Variants in KCNT1 observed in about 807,000 individuals in gnomAD.
The protein encoded by KCNT1 is potassium sodium-activated channel subfamily T member 1, also known as potassium channel subfamily T member 1.
In KCNT1, 78 loss-of-function variants were observed where a neutral mutation model predicts 147.8. The observed-to-expected ratio is 0.53, with a 90% CI of 0.44 to 0.64. KCNT1 has a LOEUF of 0.64. KCNT1 is among the 30% of genes least tolerant of loss of function. KCNT1 has a pLI of 0.00. For missense variants in KCNT1, 1,419 were observed against 1,750.3 expected (o/e 0.81, Z 3.38); for synonymous variants, 867 against 748.8 (o/e 1.16, Z -2.58).
intron 25 of KCNT1, 39 bp downstream of exon 25, chr9:135,784,164 T>G (rs1588399621): frequency 6.7e-7 from 1 of 1,497,154 alleles, no homozygotes; most frequent in Non-Finnish European, 9.2e-7. Flanking sequence ...GGCGCCTGGG[T>G]GGGACCCCCG....
intron 2 of KCNT1, among the ~76,000 whole-genome samples, chr9:135,723,728 C>A (rs1767041462): frequency 6.6e-6 from 1 of 152,192 alleles, no homozygotes; most frequent in Admixed American, 6.5e-5. Flanking sequence ...GTCCCAGGGA[C>A]CTTGTTACTG....
intron 13 of KCNT1, among the ~76,000 whole-genome samples, chr9:135,767,930 AG>A (rs1485251495): frequency 6.6e-6 from 1 of 151,894 alleles, no homozygotes; most frequent in Non-Finnish European, 1.5e-5. Context: ...TGGTGTCTCC[AG>A]GACACACCAT....
chr9:135,780,892 G>A (rs1199464155), intron 24 of KCNT1, among the ~76,000 whole-genome samples: 1 of 152,240 alleles, frequency 6.6e-6, no homozygotes, highest in Non-Finnish European at 1.5e-5. Flanking sequence ...ATGCTGCCGT[G>A]GAGTCGGGGT....
intron 3 of KCNT1, chr9:135,750,676 C>T: frequency 3.5e-6 from 2 of 563,838 alleles, no homozygotes; most frequent in Admixed American, 3.1e-5. Context: ...TCCTGTCCTC[C>T]AAGAAGTGGA....
intron 13 of KCNT1, among the ~76,000 whole-genome samples, chr9:135,766,311 G>A (rs1382804777): frequency 1.3e-5 from 2 of 150,140 alleles, no homozygotes; most frequent in East Asian, 4.0e-4. Flanking sequence ...ACCATCTGGG[G>A]TGGGCTGTCT....
At chr9:135,778,398 C>A in intron 21 of KCNT1, 26 bp from the exon 22 acceptor site, 2 of 1,547,172 alleles carry the variant, frequency 1.3e-6, no homozygotes, top group South Asian at 1.2e-5. Context: ...GCAGGGTGGG[C>A]CCCTCCAGGA....
intron 24 of KCNT1, among the ~76,000 whole-genome samples, chr9:135,781,072 CTCTT>C (rs773070280): frequency 1.4e-4 from 21 of 152,256 alleles, no homozygotes; most frequent in Non-Finnish European, 2.8e-4. Context: ...TGGGGCCCAT[CTCTT>C]TCCCCGGCTT....
chr9:135,730,186 A>G lies in KCNT1; in HGVS notation c.254+15466A>G, dbSNP rs1836372849. Among the ~76,000 whole-genome samples the G allele has an allele frequency of 6.6e-6, 1 of 152,104 alleles. No individual in the cohort carries two copies. Among genetic ancestry groups the G allele is most frequent in the African/African-American group, 2.4e-5 (1 of 41,422 alleles). Reference sequence around the variant, plus strand: ...GATTTTCACAGTAAGGCAGTGTTGAATTGCAGCCTCTAGTGGCGACAACAA... The same window carrying G: ...GATTTTCACAGTAAGGCAGTGTTGAGTTGCAGCCTCTAGTGGCGACAACAA... On this transcript the variant is annotated intron_variant, in intron 2 of 30. Coordinates refer to ENST00000371757, the MANE Select transcript of KCNT1 (RefSeq NM_020822.3). This position sits in a 1 kb window ranked among gnomAD's most constrained non-coding sequence, Gnocchi z 4.7.
At position 135,793,784 on chromosome 9, in the gene KCNT1, T is replaced by G. The variant is rs1834702725; in HGVS notation, c.*1623T>G. ...GGGGGACAGAGCCAGACATGGGTGG[T>G]CAGGGAGAGGCTGTGTGGATTCAGG... On this transcript the variant is annotated 3_prime_UTR_variant, in exon 31 of 31. Transcript: ENST00000371757. 6.6e-6 allele frequency: 1 copy of G among 152,400 alleles called. No homozygotes were observed. The highest frequency in any genetic ancestry group is 2.4e-5 in the African/African-American group (1 of 41,402). The allele number at this position is 152,400 out of a possible 1,614,324, so 9.4% of individuals were successfully genotyped here.
At chr9:135,775,966 C>T (rs1399675076) in intron 20 of KCNT1, among the ~76,000 whole-genome samples, 3 of 151,866 alleles carry the variant, frequency 2.0e-5, no homozygotes, top group Non-Finnish European at 4.4e-5. Flanking sequence ...TTTTGCAGAG[C>T]AGGGACCAGT....
intron 24 of KCNT1, among the ~76,000 whole-genome samples, chr9:135,780,251 C>T (rs986336739): frequency 1.3e-5 from 2 of 152,224 alleles, no homozygotes; most frequent in Non-Finnish European, 2.9e-5. Flanking sequence ...CCTTGGTCAG[C>T]AGCAATGCTG....
intron 2 of KCNT1, among the ~76,000 whole-genome samples, chr9:135,721,961 C>T (rs1588265298): frequency 6.6e-6 from 1 of 152,310 alleles, no homozygotes; most frequent in East Asian, 1.9e-4. Flanking sequence ...CTAGCCCTGT[C>T]CCTCCCTCCG....
chr9:135,720,992 G>T (rs900126451), intron 2 of KCNT1, among the ~76,000 whole-genome samples: 3 of 152,248 alleles, frequency 2.0e-5, no homozygotes, highest in African/African-American at 7.2e-5. Flanking sequence ...GGTGGGGCAC[G>T]AGGGACACAC....
intron 2 of KCNT1, among the ~76,000 whole-genome samples, chr9:135,721,153 G>A (rs1483186363): frequency 6.6e-6 from 1 of 152,162 alleles, no homozygotes; most frequent in Non-Finnish European, 1.5e-5. Flanking sequence ...AGAAGGGGCT[G>A]AAGTGGCCCC....
At chr9:135,722,865 G>A (rs548289901) in intron 2 of KCNT1, among the ~76,000 whole-genome samples, 7 of 152,332 alleles carry the variant, frequency 4.6e-5, no homozygotes, top group Admixed American at 2.6e-4. Context: ...TCCCATCAGC[G>A]GTGGGGGCTT....
rs1168948306 is a variant in KCNT1, at chr9:135,752,715, A to G, written c.435-1222A>G. On this transcript the variant is annotated intron_variant, in intron 4 of 30. Transcript: ENST00000371757. This position sits in a 1 kb window ranked among gnomAD's most constrained non-coding sequence, Gnocchi z 5.1. Reference sequence around the variant, plus strand: ...GGGTGGATAATGGATGGATAGGTGGATGCATGGTGGGTAGATGGATGGATG... The same window carrying G: ...GGGTGGATAATGGATGGATAGGTGGGTGCATGGTGGGTAGATGGATGGATG... Among the ~76,000 whole-genome samples the G allele has an allele frequency of 6.7e-6, 1 of 148,304 alleles. No homozygotes were observed. Among genetic ancestry groups the G allele is most frequent in the East Asian group, 2.0e-4 (1 of 4,978 alleles).
chr9:135,734,578 C>T (rs1440105204), intron 2 of KCNT1, among the ~76,000 whole-genome samples: 1 of 152,182 alleles, frequency 6.6e-6, no homozygotes, highest in Non-Finnish European at 1.5e-5. Flanking sequence ...CAACACGGCA[C>T]AGATGTTCTC....
intron 21 of KCNT1, among the ~76,000 whole-genome samples, chr9:135,777,973 C>CAG (rs1833301418): frequency 6.6e-6 from 1 of 151,408 alleles, no homozygotes. Context: ...TCCTCTGTCT[C>CAG]CCAGCTCCTC....
intron 2 of KCNT1, among the ~76,000 whole-genome samples, chr9:135,729,538 A>C (rs1836347231): frequency 6.6e-6 from 1 of 152,176 alleles, no homozygotes; most frequent in Non-Finnish European, 1.5e-5. Flanking sequence ...GCAGACTTCT[A>C]CCCTACAGAA....
Sources: allele counts gnomAD v4.1 joint callset (sites outside exome capture counted in the v4.1 genomes callset), GRCh38; gene constraint gnomAD v4.1.1; non-coding constraint Gnocchi (gnomAD v3.1); transcripts MANE v1.5; gene names NCBI Gene and HGNC (gene_info 2026-07-23, HGNC 2026-07-21).